The following DIAPH3 variants were observed in gnomAD, a reference collection of about 807,000 sequenced individuals.
DIAPH3 encodes diaphanous related formin 3.
DIAPH3 carries 117 observed loss-of-function variants against 144.3 expected under a neutral mutation model. That is an observed-to-expected ratio of 0.81 (90% CI 0.70 to 0.95). The LOEUF is 0.95. Ranked by LOEUF, DIAPH3 falls within the 40% of genes least tolerant of loss-of-function variation. DIAPH3 has a pLI of 0.00. For missense variants in DIAPH3, 1,421 were observed against 1,412.7 expected, an observed-to-expected ratio of 1.01 and a Z score of -0.09; for synonymous variants, 519 against 488.9, an observed-to-expected ratio of 1.06 and a Z score of -0.81.
intron 22 of DIAPH3, among the ~76,000 whole-genome samples, chr13:59,847,664 G>A (rs1190461602): frequency 6.6e-6 from 1 of 152,178 alleles, no homozygotes; most frequent in East Asian, 1.9e-4. Context: ...ATGGTTCTGT[G>A]TACATGTACA....
chr13:59,997,560 C>T (rs1230682293), intron 9 of DIAPH3, among the ~76,000 whole-genome samples: 1 of 152,002 alleles, frequency 6.6e-6, no homozygotes, highest in Non-Finnish European at 1.5e-5. Flanking sequence ...TGGGTGGATA[C>T]TCGGTAATGA....
At chr13:59,803,645 C>T (rs2040051939) in intron 25 of DIAPH3, among the ~76,000 whole-genome samples, 2 of 152,124 alleles carry the variant, frequency 1.3e-5, no homozygotes, top group South Asian at 2.1e-4. Flanking sequence ...CTGAGAACCT[C>T]CTCTTTTCTG....
intron 4 of DIAPH3, among the ~76,000 whole-genome samples, chr13:60,073,412 C>T (rs1382662701): frequency 6.6e-6 from 1 of 151,950 alleles, no homozygotes; most frequent in Non-Finnish European, 1.5e-5. Flanking sequence ...AATGAAAGAA[C>T]TTTGCAAAAT....
At chr13:59,985,543 G>A (rs1472360697) in intron 12 of DIAPH3, among the ~76,000 whole-genome samples, 1 of 67,442 alleles carries the variant, frequency 1.5e-5, no homozygotes, top group African/African-American at 6.6e-5. Flanking sequence ...GTCCCTGTGT[G>A]CAGACGACAT....
intron 25 of DIAPH3, among the ~76,000 whole-genome samples, chr13:59,781,285 C>T (rs536185405): frequency 1.3e-5 from 2 of 152,134 alleles, no homozygotes; most frequent in Non-Finnish European, 2.9e-5. Flanking sequence ...AATTCTGAAG[C>T]GAAATTATTT....
At chr13:59,845,948 A>T (rs2042606792) in intron 22 of DIAPH3, among the ~76,000 whole-genome samples, 1 of 152,158 alleles carries the variant, frequency 6.6e-6, no homozygotes, top group African/African-American at 2.4e-5. Context: ...TTTGGATTTA[A>T]CTTTAACCTC....
intron 20 of DIAPH3, among the ~76,000 whole-genome samples, chr13:59,892,151 C>T (rs767244928): frequency 7.9e-5 from 12 of 151,656 alleles, no homozygotes; most frequent in South Asian, 2.1e-4. Context: ...CAAAAATAAA[C>T]GCTATAAATA....
intron 25 of DIAPH3, among the ~76,000 whole-genome samples, chr13:59,776,631 A>AG (rs2038427572): frequency 6.6e-6 from 1 of 152,236 alleles, no homozygotes; most frequent in African/African-American, 2.4e-5. Context: ...ATTATAAAGG[A>AG]GGGGGAAAAA....
chr13:59,742,297 G>A (rs2036493337), intron 27 of DIAPH3, among the ~76,000 whole-genome samples: 1 of 152,118 alleles, frequency 6.6e-6, no homozygotes, highest in African/African-American at 2.4e-5. Context: ...TACATGACAG[G>A]TGAAACTTCA....
intron 17 of DIAPH3, among the ~76,000 whole-genome samples, chr13:59,932,530 T>C (rs1032434647): frequency 9.9e-5 from 15 of 152,094 alleles, no homozygotes; most frequent in Non-Finnish European, 1.9e-4. Flanking sequence ...ATGTTAGGTG[T>C]CACAGTTTAA....
chr13:59,694,618 T>C (rs2033701953), intron 27 of DIAPH3, among the ~76,000 whole-genome samples: 1 of 152,184 alleles, frequency 6.6e-6, no homozygotes, highest in African/African-American at 2.4e-5. Flanking sequence ...CATTTCTGCT[T>C]AATAAAGTAA....
At chr13:60,099,269 C>G (rs916380541) in intron 3 of DIAPH3, among the ~76,000 whole-genome samples, 3 of 152,228 alleles carry the variant, frequency 2.0e-5, no homozygotes, top group Non-Finnish European at 4.4e-5. Flanking sequence ...CATGTCACAG[C>G]TCAGCCTAGC....
intron 23 of DIAPH3, among the ~76,000 whole-genome samples, chr13:59,835,810 A>G (rs2042017488): frequency 6.6e-6 from 1 of 151,810 alleles, no homozygotes; most frequent in African/African-American, 2.4e-5. Flanking sequence ...GCCACAGTTC[A>G]AAGTTCAACA....
chr13:59,700,456 T>C (rs971599832), intron 27 of DIAPH3, among the ~76,000 whole-genome samples: 6 of 152,216 alleles, frequency 3.9e-5, no homozygotes, highest in African/African-American at 1.4e-4. Flanking sequence ...TTGGAGGATG[T>C]GGCAGAGAGA....
chr13:59,885,768 G>A (rs2045404652), intron 20 of DIAPH3, among the ~76,000 whole-genome samples: 7 of 152,126 alleles, frequency 4.6e-5, no homozygotes, highest in Admixed American at 4.6e-4. Context: ...GTGAGCCCTA[G>A]ACTGGAGTGA....
intron 25 of DIAPH3, among the ~76,000 whole-genome samples, chr13:59,787,390 C>T (rs1388242421): frequency 6.6e-6 from 1 of 152,018 alleles, no homozygotes; most frequent in East Asian, 1.9e-4. Flanking sequence ...GGAAGATATT[C>T]CTAAGAAAAT....
intron 20 of DIAPH3, among the ~76,000 whole-genome samples, chr13:59,895,356 T>C (rs2046023995): frequency 6.7e-6 from 1 of 149,352 alleles, no homozygotes; most frequent in African/African-American, 2.5e-5. Flanking sequence ...TTGGCATCCT[T>C]GGAAAAGAAA....
intron 20 of DIAPH3, among the ~76,000 whole-genome samples, chr13:59,885,334 A>G (rs2045364980): frequency 6.6e-6 from 1 of 151,340 alleles, no homozygotes; most frequent in Admixed American, 6.6e-5. Flanking sequence ...TCCCCATCCC[A>G]TCGTAGAAAA....
chr13:60,013,154 A>G, intron 7 of DIAPH3: 1 of 985,348 alleles, frequency 1.0e-6, no homozygotes, highest in African/African-American at 1.7e-5. Flanking sequence ...TCAAGGACCC[A>G]CTCCGGACAA....
Sources: allele counts gnomAD v4.1 joint callset (sites outside exome capture counted in the v4.1 genomes callset), GRCh38; gene constraint gnomAD v4.1.1; transcripts MANE v1.5; gene names NCBI Gene and HGNC (gene_info 2026-07-23, HGNC 2026-07-21).